PRKDC: variants seen among roughly 807,000 people sequenced by gnomAD.
PRKDC encodes DNA-dependent protein kinase catalytic subunit.
A neutral mutation model predicts 486.9 loss-of-function variants in PRKDC; 82 were observed. That is an observed-to-expected ratio of 0.17 (90% confidence interval 0.14 to 0.20). The LOEUF (loss-of-function observed/expected upper bound fraction) is 0.20, where lower values mean the gene tolerates loss of function less well. PRKDC is among the 10% of genes least tolerant of loss of function. PRKDC has a pLI of 1.00. For missense variants in PRKDC, 4,504 were observed against 5,038.2 expected (o/e 0.89, Z 3.21); for synonymous variants, 1,895 against 1,837.0 (o/e 1.03, Z -0.81).
At position 47,879,690 on chromosome 8, in the gene PRKDC, C is replaced by T. The variant is rs371786025; in HGVS notation, c.5068-32G>A. 736 of 1,482,084 alleles carry T rather than the reference C, an allele frequency of 5.0e-4. 2 individuals are homozygous for T. The highest frequency in any genetic ancestry group is 5.7e-4 in the Non-Finnish European group (641 of 1,116,780). 91.8% of individuals were successfully genotyped at this position (1,482,084 alleles called of 1,614,324 possible). On this transcript the variant is annotated intron_variant, in intron 38 of 85. Transcript: ENST00000314191. ...AGCAAGACAGACATAAGAAACTGCA[C>T]GAATTATGGCTTATATATCCTACAG...
At chr8:47,865,329 T>C (rs538742162) in intron 40 of PRKDC, among the ~76,000 whole-genome samples, 3 of 150,754 alleles carry the variant, frequency 2.0e-5, no homozygotes, top group African/African-American at 7.3e-5. Flanking sequence ...GAGGGTGCAG[T>C]GAGCCGTCGC....
intron 25 of PRKDC, among the ~76,000 whole-genome samples, chr8:47,909,022 G>A (rs2154502650): frequency 6.6e-6 from 1 of 152,190 alleles, no homozygotes; most frequent in Admixed American, 6.5e-5. Context: ...GAACTCCGCT[G>A]AGTCAGTTCA....
chr8:47,863,358 T>C lies in PRKDC; in HGVS notation c.5750+41A>G, dbSNP rs370986124. ...CATAAAAATATATGTACCCAAAGCA[T>C]TGATAAATAAAATAGAATCCAAAAT... On this transcript the variant is annotated intron_variant, in intron 42 of 85. Transcript: ENST00000314191. 5.8e-5 allele frequency: 85 copies of C among 1,473,578 alleles called. 1 individual carries two copies. Among genetic ancestry groups the C allele is most frequent in the African/African-American group, 1.3e-4 (9 of 70,560 alleles). 91.3% of individuals were successfully genotyped at this position (1,473,578 alleles called of 1,614,324 possible).
chr8:47,878,356 C>T (rs1034277734), intron 39 of PRKDC, among the ~76,000 whole-genome samples: 1 of 152,160 alleles, frequency 6.6e-6, no homozygotes, highest in Non-Finnish European at 1.5e-5. Flanking sequence ...CTGCCCTCCT[C>T]GGCCACCCAA....
In PRKDC at chr8:47,807,332, C is replaced by T. The variant is rs2087235035; in HGVS notation, c.9558-6G>A. The stretch of plus-strand genomic sequence containing the variant: ...TTTTGCTGAGAAAGAAACATCTACA[C>T]AAAGAAAAATGAGACAATGTCACAG... On this transcript the variant is annotated splice_polypyrimidine_tract_variant and splice_region_variant and intron_variant, in intron 68 of 85. Transcript: ENST00000314191. 6.5e-7 allele frequency: 1 copy of T among 1,528,222 alleles called. No individual in the cohort carries two copies. The allele number at this position is 1,528,222 out of a possible 1,614,324, so 94.7% of individuals were successfully genotyped here.
intron 63 of PRKDC, among the ~76,000 whole-genome samples, chr8:47,824,394 A>C (rs1207159147): frequency 7.0e-6 from 1 of 143,178 alleles, no homozygotes; most frequent in Non-Finnish European, 1.5e-5. Context: ...AACTGCTTGA[A>C]CCCAGGAGGT....
At chr8:47,872,132 G>T (rs556533769) in intron 40 of PRKDC, among the ~76,000 whole-genome samples, 1 of 152,100 alleles carries the variant, frequency 6.6e-6, no homozygotes, top group Non-Finnish European at 1.5e-5. Context: ...TTTAAAAAGC[G>T]GAAGATGAGA....
At chr8:47,788,254 G>A (rs528434594) in intron 76 of PRKDC, among the ~76,000 whole-genome samples, 5 of 152,210 alleles carry the variant, frequency 3.3e-5, no homozygotes, top group Non-Finnish European at 7.3e-5. Flanking sequence ...TGATGCTGAC[G>A]CCAAGCCCAA....
In PRKDC at chr8:47,936,023, C is replaced by T. The variant is rs117166037; in HGVS notation, c.1279-123G>A. 3.3e-3 allele frequency: 3,192 copies of T among 957,620 alleles called. 21 individuals are homozygous for T. The highest frequency in any genetic ancestry group is 0.026 in the East Asian group (966 of 37,316). The allele number at this position is 957,620 out of a possible 1,614,324, so 59.3% of individuals were successfully genotyped here. A position where few individuals can be genotyped will look rare whatever the true frequency, so the allele number is the denominator to read the frequency against. The stretch of plus-strand genomic sequence containing the variant: ...TTATTAAAAGAAAAACATGGTTTGT[C>T]ATCTAACCTGCTGCTTAACATGTAT... On this transcript the variant is annotated intron_variant, in intron 12 of 85. Transcript: ENST00000314191.
chr8:47,851,370 T>G (rs887298884), intron 52 of PRKDC, among the ~76,000 whole-genome samples: 8 of 152,242 alleles, frequency 5.3e-5, no homozygotes, highest in African/African-American at 1.7e-4. Context: ...ATTTTAAAAA[T>G]CTGTTTATTT....
chr8:47,803,222 G>A, intron 70 of PRKDC, 84 bp downstream of exon 70: 19 of 1,299,300 alleles, frequency 1.5e-5, no homozygotes, highest in Non-Finnish European at 2.0e-5. Flanking sequence ...AATGTCAGAT[G>A]ATGCAGCACA....
intron 34 of PRKDC, 63 bp downstream of exon 34, chr8:47,888,451 TATAA>T (rs921503768): frequency 1.9e-4 from 250 of 1,338,596 alleles, no homozygotes; most frequent in African/African-American, 2.5e-4. Context: ...TAAGAAATAA[TATAA>T]ATAAATACAC....
chr8:47,796,628 C>G (rs2086991251), intron 73 of PRKDC, among the ~76,000 whole-genome samples: 1 of 151,042 alleles, frequency 6.6e-6, no homozygotes, highest in African/African-American at 2.4e-5. Context: ...GAGACAGAGT[C>G]TTGCTCTGTC....
chr8:47,821,010 T>C, intron 65 of PRKDC, 67 bp from the exon 66 acceptor site: 1 of 991,606 alleles, frequency 1.0e-6, no homozygotes, highest in Non-Finnish European at 1.4e-6. Context: ...TTATTTTATT[T>C]CTATTATATT....
At chr8:47,808,883 A>G (rs914467533) in intron 68 of PRKDC, among the ~76,000 whole-genome samples, 3 of 151,902 alleles carry the variant, frequency 2.0e-5, no homozygotes, top group African/African-American at 7.3e-5. Flanking sequence ...CAAAAAATGT[A>G]AAAATTAGCT....
At chr8:47,876,966 CT>C (rs2089104501) in intron 40 of PRKDC, among the ~76,000 whole-genome samples, 1 of 152,170 alleles carries the variant, frequency 6.6e-6, no homozygotes, top group African/African-American at 2.4e-5. Context: ...CATTATGCAC[CT>C]CCTAATGCCG....
intron 52 of PRKDC, among the ~76,000 whole-genome samples, chr8:47,852,009 G>A (rs1045682041): frequency 3.3e-5 from 5 of 152,304 alleles, no homozygotes; most frequent in South Asian, 2.1e-4. Context: ...CCAGCTACTC[G>A]GGAGGCTAAG....
chr8:47,866,212 A>G (rs986039999), intron 40 of PRKDC, among the ~76,000 whole-genome samples: 6 of 151,200 alleles, frequency 4.0e-5, no homozygotes, highest in Non-Finnish European at 7.4e-5. Flanking sequence ...CCCTTCTACC[A>G]TGGATGACTC....
In PRKDC at chr8:47,902,604, T is replaced by C. The variant is rs758896448; in HGVS notation, c.3234A>G (p.Ala1078=). The change falls in exon 27 of 86, where the codon GCA becomes GCG. Residue 1078 remains alanine (A), a synonymous_variant. Transcript: ENST00000314191. ...LHPNAFKRLG[A]SLAFNNIYRE... is the part of the protein sequence containing the mutation. ...TGTAGATATTATTAAAGGCAAGTGA[T>C]GCTCCCAGCCTCTTGAAAGCATTGG... 2 of 1,600,976 alleles carry C rather than the reference T, an allele frequency of 1.2e-6. No homozygotes were observed. The highest frequency in any genetic ancestry group is 1.7e-5 in the Admixed American group (1 of 57,424).
Sources: gnomAD v4.1 joint callset for allele counts (sites outside exome capture counted in the v4.1 genomes callset) on GRCh38, gnomAD v4.1.1 for gene constraint, MANE v1.5 for transcripts, NCBI Gene and HGNC (gene_info 2026-07-23, HGNC 2026-07-21) for gene names.